The following INPP5D variants were observed in gnomAD, a reference collection of about 807,000 sequenced individuals.
The protein encoded by INPP5D is inositol polyphosphate-5-phosphatase D, also known as phosphatidylinositol 3,4,5-trisphosphate 5-phosphatase 1.
INPP5D carries 33 observed loss-of-function variants against 122.9 expected under a neutral mutation model. That is an observed-to-expected ratio of 0.27 (90% CI 0.20 to 0.36). The LOEUF (loss-of-function observed/expected upper bound fraction) is 0.36. Ranked by LOEUF, INPP5D falls within the 10% of genes least tolerant of loss-of-function variation. The pLI, the probability that INPP5D is intolerant of heterozygous loss-of-function variation, is 1.00. For missense variants in INPP5D, 1,053 were observed against 1,412.7 expected (o/e 0.75, Z 4.08); for synonymous variants, 584 against 576.2 (o/e 1.01, Z -0.19).
intron 2 of INPP5D, among the ~76,000 whole-genome samples, chr2:233,086,118 CCT>C (rs1491509136): frequency 9.4e-6 from 1 of 105,950 alleles, no homozygotes; most frequent in Non-Finnish European, 2.2e-5. Flanking sequence ...GATAAGATAG[CCT>C]CTTTCTTTCT....
chr2:233,070,777 G>C (rs1252578314), intron 1 of INPP5D, among the ~76,000 whole-genome samples: 2 of 152,102 alleles, frequency 1.3e-5, no homozygotes, highest in Non-Finnish European at 2.9e-5. Flanking sequence ...CTGGGCCCTG[G>C]TTCCCCTTTC....
At chr2:233,071,819 G>A (rs952298951) in intron 1 of INPP5D, among the ~76,000 whole-genome samples, 9 of 152,182 alleles carry the variant, frequency 5.9e-5, no homozygotes, top group Non-Finnish European at 1.5e-5. Context: ...ATACAGGGAA[G>A]TTTTAGATTT....
At chr2:233,106,547 G>A (rs1220644248) in intron 2 of INPP5D, among the ~76,000 whole-genome samples, 1 of 152,236 alleles carries the variant, frequency 6.6e-6, no homozygotes, top group Non-Finnish European at 1.5e-5. Context: ...CTAGTGCAAG[G>A]TGCTACAAGG....
At chr2:233,180,185 G>A (rs34270852) in intron 18 of INPP5D, among the ~76,000 whole-genome samples, 2,992 of 152,204 alleles carry the variant, frequency 0.02, 51 homozygotes, top group Non-Finnish European at 0.03. Flanking sequence ...GCCAAAGAAA[G>A]TCACATGACC....
chr2:233,098,238 G>C (rs966212289), intron 2 of INPP5D, among the ~76,000 whole-genome samples: 1 of 152,152 alleles, frequency 6.6e-6, no homozygotes, highest in Non-Finnish European at 1.5e-5. Context: ...TGCTCCAGGA[G>C]GAGGATGCAA....
intron 2 of INPP5D, among the ~76,000 whole-genome samples, chr2:233,088,440 C>G (rs760448663): frequency 2.0e-5 from 3 of 152,200 alleles, no homozygotes; most frequent in African/African-American, 7.2e-5. Flanking sequence ...CGAGATGTCC[C>G]GAGACAAGTT....
intron 6 of INPP5D, chr2:233,145,153 G>A: frequency 2.2e-6 from 1 of 446,982 alleles, no homozygotes; most frequent in Non-Finnish European, 4.5e-6. Context: ...ACACCTGGCA[G>A]CATGTCTAAC....
intron 1 of INPP5D, among the ~76,000 whole-genome samples, chr2:233,074,215 G>A (rs1302230221): frequency 1.3e-5 from 2 of 152,228 alleles, no homozygotes; most frequent in Non-Finnish European, 2.9e-5. Context: ...CCAGCCGGTG[G>A]TGGGGCCAGA....
rs549219666 is a variant in INPP5D at position 233,078,597 on chromosome 2, T to C, written c.135-738T>C. 6.6e-6 allele frequency among the ~76,000 whole-genome samples: 1 copy of C among 152,312 alleles called. No homozygotes were observed. Among genetic ancestry groups the C allele is most frequent in the African/African-American group, 2.4e-5 (1 of 41,576 alleles). ...TGGCCCCTCTGTGGCTGGGCCTGGCTTTCCATTCACCATGGGCCGCTCTGC... is the reference window on the plus strand; with the variant it reads ...TGGCCCCTCTGTGGCTGGGCCTGGCCTTCCATTCACCATGGGCCGCTCTGC... On this transcript the variant is annotated intron_variant, in intron 1 of 26. Coordinates refer to ENST00000445964, the MANE Select transcript of INPP5D (RefSeq NM_001017915.3). The surrounding 1 kb of genome is among the most constrained non-coding windows in gnomAD (Gnocchi z 4.6).
At chr2:233,202,366 C>A (rs1434883992) in intron 25 of INPP5D, among the ~76,000 whole-genome samples, 1 of 152,200 alleles carries the variant, frequency 6.6e-6, no homozygotes, top group Non-Finnish European at 1.5e-5. Context: ...TTGTTTGAGG[C>A]CCCAGCATTT....
At position 233,197,292 on chromosome 2, in the gene INPP5D, T is replaced by C. The variant is rs909445150; in HGVS notation, c.2694-803T>C. Reference sequence around the variant, plus strand: ...CATCCCCTCCATAGCTTTAAGCTGATTGCCCCCAATTCCAGGCTCCAACCT... The same window carrying C: ...CATCCCCTCCATAGCTTTAAGCTGACTGCCCCCAATTCCAGGCTCCAACCT... On this transcript the variant is annotated intron_variant, in intron 24 of 26. Coordinates refer to ENST00000445964, the MANE Select transcript of INPP5D (RefSeq NM_001017915.3). The surrounding 1 kb of genome is among the most constrained non-coding windows in gnomAD (Gnocchi z 4.4). Among the ~76,000 whole-genome samples the C allele has an allele frequency of 1.1e-4, 16 of 152,310 alleles. No individual in the cohort carries two copies. The highest frequency in any genetic ancestry group is 3.6e-4 in the African/African-American group (15 of 41,554).
chr2:233,187,708 C>T (rs572996555), intron 21 of INPP5D, among the ~76,000 whole-genome samples: 1 of 152,290 alleles, frequency 6.6e-6, no homozygotes, highest in Non-Finnish European at 1.5e-5. Flanking sequence ...CACTGAAGCC[C>T]CAGAAGAGCT....
intron 6 of INPP5D, 61 bp downstream of exon 6, chr2:233,139,990 C>G: frequency 2.5e-6 from 1 of 395,906 alleles, no homozygotes; most frequent in Non-Finnish European, 4.5e-6. Context: ...ATTGAGTTAG[C>G]CAGTCCTGAG....
At chr2:233,194,530 C>G (rs956555021) in intron 23 of INPP5D, among the ~76,000 whole-genome samples, 39 of 123,690 alleles carry the variant, frequency 3.2e-4, no homozygotes, top group African/African-American at 1.1e-3. Flanking sequence ...CAGAGTCTCA[C>G]TCTGTGGCTC....
chr2:233,118,532 C>T (rs1692871026), intron 2 of INPP5D, among the ~76,000 whole-genome samples: 2 of 152,238 alleles, frequency 1.3e-5, no homozygotes, highest in African/African-American at 4.8e-5. Context: ...AAGCTTAGGG[C>T]CAAGAGCAAA....
rs897579633 is a variant in INPP5D at position 233,186,009 on chromosome 2, G to A, written c.2358+84G>A. ...CCAGCCAGTGGCAGAGCTATGGCCA[G>A]GCCTGACCAGAGGAAGCAGGAATCT... is the stretch of plus-strand genomic sequence containing the variant. On this transcript the variant is annotated intron_variant, in intron 21 of 26. Transcript: ENST00000445964. 17 of 1,379,436 alleles carry A rather than the reference G, an allele frequency of 1.2e-5. No homozygotes were observed. In the African/African-American group the frequency reaches 2.2e-4, roughly 18 times the overall value. The allele number at this position is 1,379,436 out of a possible 1,614,324, so 85.4% of individuals were successfully genotyped here. A position where few individuals can be genotyped will look rare whatever the true frequency, so the allele number is the denominator to read the frequency against.
chr2:233,110,134 C>T (rs1692579821), intron 2 of INPP5D, among the ~76,000 whole-genome samples: 1 of 151,352 alleles, frequency 6.6e-6, no homozygotes, highest in Admixed American at 6.6e-5. Flanking sequence ...TCACTGCAGC[C>T]TCTGCCTCCC....
At chr2:233,063,661 T>C (rs752466340) in intron 1 of INPP5D, among the ~76,000 whole-genome samples, 17 of 152,326 alleles carry the variant, frequency 1.1e-4, no homozygotes, top group Non-Finnish European at 2.1e-4. Flanking sequence ...AGCTTTGATC[T>C]CACCTCAGCA....
chr2:233,085,938 C>T (rs1039610084), intron 2 of INPP5D, among the ~76,000 whole-genome samples: 11 of 152,176 alleles, frequency 7.2e-5, no homozygotes, highest in African/African-American at 2.7e-4. Flanking sequence ...GATCATGGGC[C>T]TGTTTCCTGT....
Sources: allele counts gnomAD v4.1 joint callset (sites outside exome capture counted in the v4.1 genomes callset), GRCh38; gene constraint gnomAD v4.1.1; non-coding constraint Gnocchi (gnomAD v3.1); transcripts MANE v1.5; gene names NCBI Gene and HGNC (gene_info 2026-07-23, HGNC 2026-07-21).